GALNT13: variants seen among roughly 807,000 people sequenced by gnomAD.
GALNT13 encodes UDP-GalNAc:polypeptide N-acetylgalactosaminyltransferase 13.
GALNT13 carries 28 observed loss-of-function variants against 64.2 expected under a neutral mutation model. The ratio of observed to expected loss-of-function variants is 0.44; its 90% CI spans 0.32 to 0.60. GALNT13 has a LOEUF of 0.60. GALNT13 is among the 20% of genes least tolerant of loss of function. The pLI is 0.05. For missense variants in GALNT13, 577 were observed against 669.8 expected, an observed-to-expected ratio of 0.86 and a Z score of 1.53; for synonymous variants, 214 against 224.6, an observed-to-expected ratio of 0.95 and a Z score of 0.42.
the GALNT13 span, among the ~76,000 whole-genome samples, chr2:153,087,575 C>G: frequency 6.6e-6 from 1 of 152,142 alleles, no homozygotes; most frequent in African/African-American, 2.4e-5. Flanking sequence ...TTCTGAATGT[C>G]TGATAGAATT....
the GALNT13 span, among the ~76,000 whole-genome samples, chr2:153,231,543 T>C: frequency 3.3e-5 from 5 of 152,252 alleles, no homozygotes; most frequent in Admixed American, 6.5e-5. Flanking sequence ...ATTGGGATTC[T>C]AGCCTAAATG....
the GALNT13 span, among the ~76,000 whole-genome samples, chr2:153,399,709 G>A: frequency 6.6e-6 from 1 of 152,044 alleles, no homozygotes; most frequent in Non-Finnish European, 1.5e-5. Context: ...GTTCACTCAT[G>A]ATTTGGCTCT....
chr2:153,863,122 T>C, the GALNT13 span, among the ~76,000 whole-genome samples: 1 of 152,272 alleles, frequency 6.6e-6, no homozygotes, highest in South Asian at 2.1e-4. Flanking sequence ...TCTGTTAAAA[T>C]TGAATAATGT....
chr2:154,105,684 G>A (rs1702577185), intron 3 of GALNT13, among the ~76,000 whole-genome samples: 1 of 152,142 alleles, frequency 6.6e-6, no homozygotes, highest in African/African-American at 2.4e-5. Flanking sequence ...ATACAAGTTT[G>A]TTTGGACAAC....
At chr2:153,908,142 A>G (rs1161894362) in intron 2 of GALNT13, among the ~76,000 whole-genome samples, 2 of 152,028 alleles carry the variant, frequency 1.3e-5, no homozygotes, top group Non-Finnish European at 1.5e-5. Flanking sequence ...TTTGGTTTCC[A>G]TTTCTCTAAT....
chr2:154,106,433 ACTAT>A (rs1702619433), intron 3 of GALNT13, among the ~76,000 whole-genome samples: 1 of 152,172 alleles, frequency 6.6e-6, no homozygotes, highest in African/African-American at 2.4e-5. Context: ...TTGTGAAATG[ACTAT>A]CTTTTTTCCA....
the GALNT13 span, among the ~76,000 whole-genome samples, chr2:153,076,220 T>A: frequency 6.6e-6 from 1 of 152,210 alleles, no homozygotes; most frequent in African/African-American, 2.4e-5. Context: ...TTTGCATTGC[T>A]ACTAGCAATA....
At chr2:153,437,472 T>C in the GALNT13 span, among the ~76,000 whole-genome samples, 1 of 152,174 alleles carries the variant, frequency 6.6e-6, no homozygotes, top group Non-Finnish European at 1.5e-5. Context: ...AGTCTCTTTG[T>C]AGGTCACTCA....
At chr2:153,119,000 A>G in the GALNT13 span, among the ~76,000 whole-genome samples, 63 of 152,112 alleles carry the variant, frequency 4.1e-4, no homozygotes, top group Non-Finnish European at 7.6e-4. Flanking sequence ...ATAGTGAATG[A>G]GTTCTCATGA....
At chr2:153,401,948 G>T in the GALNT13 span, among the ~76,000 whole-genome samples, 339 of 149,004 alleles carry the variant, frequency 2.3e-3, 2 homozygotes, top group Non-Finnish European at 2.3e-3. Flanking sequence ...ATATTGTTAT[G>T]TGTGAATTTG....
chr2:154,027,967 G>A (rs527278560), intron 3 of GALNT13, among the ~76,000 whole-genome samples: 15 of 151,958 alleles, frequency 9.9e-5, no homozygotes, highest in African/African-American at 2.4e-4. Flanking sequence ...TCGCTTTTTT[G>A]GTAAATATTG....
the GALNT13 span, among the ~76,000 whole-genome samples, chr2:153,621,930 AT>A: frequency 6.6e-6 from 1 of 152,046 alleles, no homozygotes; most frequent in Non-Finnish European, 1.5e-5. Flanking sequence ...AATTACCTCA[AT>A]TTTCGGAAGC....
chr2:153,910,590 C>A (rs934769063), intron 2 of GALNT13, among the ~76,000 whole-genome samples: 19 of 152,112 alleles, frequency 1.2e-4, no homozygotes, highest in African/African-American at 4.6e-4. Context: ...AAATTTTCAT[C>A]TTAACACCGC....
the GALNT13 span, among the ~76,000 whole-genome samples, chr2:153,545,906 G>A: frequency 6.6e-6 from 1 of 152,174 alleles, no homozygotes; most frequent in Non-Finnish European, 1.5e-5. Flanking sequence ...GGATCCAGTG[G>A]CTGACAGGAA....
the GALNT13 span, among the ~76,000 whole-genome samples, chr2:153,116,089 T>TTA: frequency 6.6e-6 from 1 of 152,312 alleles, no homozygotes; most frequent in South Asian, 2.1e-4. Context: ...GAATGTTACA[T>TTA]TATATATAAA....
chr2:154,356,899 C>A (rs1225449350), intron 9 of GALNT13, among the ~76,000 whole-genome samples: 1 of 151,900 alleles, frequency 6.6e-6, no homozygotes, highest in African/African-American at 2.4e-5. Flanking sequence ...TTCCACTAGA[C>A]TAGATACCAT....
chr2:153,294,046 T>G, the GALNT13 span, among the ~76,000 whole-genome samples: 11 of 152,120 alleles, frequency 7.2e-5, no homozygotes, highest in Admixed American at 3.3e-4. Flanking sequence ...TGTCTTGAAC[T>G]TTTGGGCTTA....
the GALNT13 span, among the ~76,000 whole-genome samples, chr2:153,410,694 TA>T: frequency 6.6e-6 from 1 of 152,100 alleles, no homozygotes; most frequent in African/African-American, 2.4e-5. Flanking sequence ...GTAAAAAATG[TA>T]ATAATAATCT....
chr2:153,485,717 C>A, the GALNT13 span, among the ~76,000 whole-genome samples: 2 of 151,736 alleles, frequency 1.3e-5, no homozygotes, highest in African/African-American at 4.8e-5. Flanking sequence ...AGCAACACAG[C>A]GAGACCCCAT....
Sources: gnomAD v4.1 joint callset for allele counts (sites outside exome capture counted in the v4.1 genomes callset) on GRCh38, gnomAD v4.1.1 for gene constraint, MANE v1.5 for transcripts, NCBI Gene and HGNC (gene_info 2026-07-23, HGNC 2026-07-21) for gene names.